SPIRE1: variants seen among roughly 807,000 people sequenced by gnomAD.
SPIRE1 encodes the protein protein spire homolog 1.
In SPIRE1, 40 loss-of-function variants were observed where a neutral mutation model predicts 94.1. The ratio of observed to expected loss-of-function variants is 0.43; its 90% confidence interval spans 0.33 to 0.55. SPIRE1 has a LOEUF of 0.55. Ranked by LOEUF, SPIRE1 falls within the 20% of genes least tolerant of loss-of-function variation. The pLI, the probability that SPIRE1 is intolerant of heterozygous loss-of-function variation, is 0.06. For synonymous variants in SPIRE1, 376 were observed against 371.7 expected, an observed-to-expected ratio of 1.01 and a Z score of -0.13; for missense variants, 838 against 975.2, an observed-to-expected ratio of 0.86 and a Z score of 1.87.
intron 10 of SPIRE1, among the ~76,000 whole-genome samples, chr18:12,474,311 T>C (rs1328449290): frequency 1.3e-5 from 2 of 151,984 alleles, no homozygotes; most frequent in Non-Finnish European, 2.9e-5. Context: ...CACTGGTGAG[T>C]TCAGTGCCAG....
At chr18:12,551,623 T>C (rs1043777548) in intron 2 of SPIRE1, among the ~76,000 whole-genome samples, 1 of 150,954 alleles carries the variant, frequency 6.6e-6, no homozygotes, top group African/African-American at 2.4e-5. Context: ...GAGAATGGCA[T>C]GGCAGGAGGT....
chr18:12,546,650 G>C (rs773411601), intron 3 of SPIRE1, 24 bp downstream of exon 3: 1 of 1,519,816 alleles, frequency 6.6e-7, no homozygotes, highest in East Asian at 2.3e-5. Context: ...AAAAAAACAA[G>C]TACTGCATAA....
chr18:12,558,665 G>A (rs1223414934), intron 2 of SPIRE1, among the ~76,000 whole-genome samples: 1 of 152,152 alleles, frequency 6.6e-6, no homozygotes, highest in Non-Finnish European at 1.5e-5. Flanking sequence ...GTGCTGACTG[G>A]TGCATTTACA....
chr18:12,630,681 CT>C (rs1480440867), intron 2 of SPIRE1, among the ~76,000 whole-genome samples: 1 of 152,062 alleles, frequency 6.6e-6, no homozygotes, highest in Admixed American at 6.6e-5. Flanking sequence ...ATTTTTGCAG[CT>C]ATCCACCCTC....
intron 6 of SPIRE1, among the ~76,000 whole-genome samples, chr18:12,497,389 T>C (rs572138898): frequency 5.9e-5 from 9 of 152,330 alleles, no homozygotes; most frequent in Non-Finnish European, 1.0e-4. Flanking sequence ...GGCACAGTCA[T>C]GACCAGTTTG....
intron 2 of SPIRE1, among the ~76,000 whole-genome samples, chr18:12,560,453 T>C (rs1487166893): frequency 1.3e-5 from 2 of 152,350 alleles, no homozygotes; most frequent in East Asian, 3.9e-4. Context: ...TGGAACTATG[T>C]GTCATTATAT....
At chr18:12,508,624 C>T (rs2033918301) in intron 5 of SPIRE1, among the ~76,000 whole-genome samples, 1 of 151,984 alleles carries the variant, frequency 6.6e-6, no homozygotes, top group Non-Finnish European at 1.5e-5. Flanking sequence ...GAGACAGTTA[C>T]CCACATTAGA....
chr18:12,637,390 T>A (rs1469802539), intron 1 of SPIRE1, among the ~76,000 whole-genome samples: 1 of 151,384 alleles, frequency 6.6e-6, no homozygotes, highest in East Asian at 1.9e-4. Flanking sequence ...TATGTGAGTT[T>A]ACATCTTCAG....
At chr18:12,504,151 A>G (rs1002503721) in intron 6 of SPIRE1, among the ~76,000 whole-genome samples, 3 of 147,558 alleles carry the variant, frequency 2.0e-5, no homozygotes, top group Non-Finnish European at 3.0e-5. Flanking sequence ...TTTAGTTGAA[A>G]TGTTTAGCTT....
intron 6 of SPIRE1, 152 bp from the exon 7 acceptor site, chr18:12,496,254 T>A (rs1404476276): frequency 1.7e-6 from 1 of 576,300 alleles, no homozygotes; most frequent in African/African-American, 1.9e-5. Context: ...AGTAAATGGC[T>A]GAGTGATTCA....
At chr18:12,587,732 G>C (rs1273749446) in intron 2 of SPIRE1, among the ~76,000 whole-genome samples, 1 of 152,106 alleles carries the variant, frequency 6.6e-6, no homozygotes, top group Non-Finnish European at 1.5e-5. Context: ...AGGCATTAGA[G>C]AGAACAGAGC....
intron 2 of SPIRE1, among the ~76,000 whole-genome samples, chr18:12,587,251 A>T (rs1424205971): frequency 6.6e-6 from 1 of 152,174 alleles, no homozygotes; most frequent in Non-Finnish European, 1.5e-5. Flanking sequence ...CGGTGTGATG[A>T]AGTGAAAAGA....
At chr18:12,593,721 G>A (rs1039882305) in intron 2 of SPIRE1, among the ~76,000 whole-genome samples, 2 of 152,056 alleles carry the variant, frequency 1.3e-5, no homozygotes, top group Non-Finnish European at 2.9e-5. Flanking sequence ...AGGCCGAGGC[G>A]GGCGGATCAC....
chr18:12,541,786 A>G lies in SPIRE1; in HGVS notation c.603+4888T>C, dbSNP rs563462687. Reference sequence around the variant, plus strand: ...TGTCTTTTAAAAATTAGAGTATTTTAGGCTAGTACAATCCACAGAAATACA... The same window carrying G: ...TGTCTTTTAAAAATTAGAGTATTTTGGGCTAGTACAATCCACAGAAATACA... On this transcript the variant is annotated intron_variant, in intron 3 of 16. Transcript: ENST00000409402. Among the ~76,000 whole-genome samples the G allele has an allele frequency of 3.9e-5, 6 of 152,228 alleles. No homozygotes were observed. The South Asian group carries it at 1.0e-3, about 26-fold the overall frequency.
intron 10 of SPIRE1, among the ~76,000 whole-genome samples, chr18:12,465,821 C>T (rs563940017): frequency 3.9e-4 from 60 of 152,164 alleles, no homozygotes; most frequent in African/African-American, 1.3e-3. Flanking sequence ...TACGGTGGCT[C>T]GCACCTATAA....
chr18:12,474,824 A>AC (rs924654006), intron 10 of SPIRE1, among the ~76,000 whole-genome samples: 12 of 150,142 alleles, frequency 8.0e-5, no homozygotes, highest in African/African-American at 2.2e-4. Context: ...ATCTCAAAAA[A>AC]CCCCCCCAAA....
intron 5 of SPIRE1, among the ~76,000 whole-genome samples, chr18:12,512,232 C>T (rs918885256): frequency 6.6e-6 from 1 of 152,040 alleles, no homozygotes; most frequent in African/African-American, 2.4e-5. Context: ...GGCGTGGTGG[C>T]ACATGCTTGT....
intron 8 of SPIRE1, among the ~76,000 whole-genome samples, chr18:12,489,570 T>C (rs1420601500): frequency 6.6e-6 from 1 of 152,108 alleles, no homozygotes; most frequent in Non-Finnish European, 1.5e-5. Flanking sequence ...AAACAAATGA[T>C]CAGAGACATG....
chr18:12,624,902 G>C (rs940615304), intron 2 of SPIRE1, among the ~76,000 whole-genome samples: 2 of 151,610 alleles, frequency 1.3e-5, no homozygotes, highest in African/African-American at 4.8e-5. Context: ...TCCTTTGCCA[G>C]ACATATAACT....
Sources: gnomAD v4.1 joint callset for allele counts (sites outside exome capture counted in the v4.1 genomes callset) on GRCh38, gnomAD v4.1.1 for gene constraint, MANE v1.5 for transcripts, NCBI Gene and HGNC (gene_info 2026-07-23, HGNC 2026-07-21) for gene names.